The following HEPH variants were observed in gnomAD, a reference collection of about 807,000 sequenced individuals.
The protein encoded by HEPH is hephaestin.
HEPH carries 69 observed loss-of-function variants against 80.8 expected under a neutral mutation model. The ratio of observed to expected loss-of-function variants is 0.85; its 90% CI spans 0.70 to 1.04. The LOEUF is 1.04. HEPH is among the 50% of genes least tolerant of loss of function. The pLI is 0.00. For synonymous variants in HEPH, 431 were observed against 322.8 expected (o/e 1.34, Z -3.60); for missense variants, 1,115 against 891.3 (o/e 1.25, Z -3.20).
intron 4 of HEPH, among the ~76,000 whole-genome samples, chrX:66,186,359 C>T (rs772374386): frequency 7.3e-5 from 8 of 109,706 alleles, no homozygotes; most frequent in East Asian, 2.9e-4. Flanking sequence ...AGCGAGATTC[C>T]GTGGGCGTAG....
Position 66,257,486 on chromosome X carries a change from T to C in HEPH, c.2896+1156T>C, listed in dbSNP as rs143786087. On this transcript the variant is annotated intron_variant, in intron 17 of 20. Coordinates refer to ENST00000343002, the MANE Select transcript of HEPH (RefSeq NM_001367233.3). ...AGAAAGAGAGATGCTTAAGATCAAA[T>C]GTGAACCTTAATACTAAGAAGGCTA... Among the ~76,000 whole-genome samples the C allele has an allele frequency of 2.2e-3, 243 of 112,274 alleles. 2 individuals carry two copies. The highest frequency in any genetic ancestry group is 7.6e-3 in the African/African-American group (235 of 30,974).
At chrX:66,255,978 G>A (rs949985812) in intron 16 of HEPH, 127 bp from the exon 17 acceptor site, 5 of 461,258 alleles carry the variant, frequency 1.1e-5, no homozygotes, top group Non-Finnish European at 3.7e-6. Context: ...ACTTATAAAT[G>A]TAAGATATCA....
chrX:66,219,443 C>T (rs1205033647), intron 15 of HEPH, among the ~76,000 whole-genome samples: 2 of 111,918 alleles, frequency 1.8e-5, no homozygotes, highest in Admixed American at 9.4e-5. Flanking sequence ...AGCAAGTAGT[C>T]GAGAGCCAAT....
At chrX:66,173,549 C>A in intron 3 of HEPH, 40 bp from the exon 4 acceptor site, 1 of 1,027,885 alleles carries the variant, frequency 9.7e-7, no homozygotes, top group Non-Finnish European at 1.4e-6. Flanking sequence ...CACGGTCCCT[C>A]ACTTATTCTG....
intron 15 of HEPH, among the ~76,000 whole-genome samples, chrX:66,253,444 G>T (rs747202503): frequency 5.4e-5 from 6 of 112,118 alleles, no homozygotes; most frequent in Admixed American, 1.9e-4. Flanking sequence ...TAAAATAAAA[G>T]ATTTTTAAAA....
At chrX:66,268,472 A>G (rs1168273245), downstream of HEPH, 2 of 112,066 alleles carry the variant, frequency 1.8e-5, no homozygotes, top group Non-Finnish European at 3.8e-5. Flanking sequence ...GTTATCCAAG[A>G]GTTAGTGTTT....
chrX:66,212,362 AT>A (rs1015429701), intron 15 of HEPH, among the ~76,000 whole-genome samples: 5 of 110,045 alleles, frequency 4.5e-5, no homozygotes, highest in Non-Finnish European at 7.6e-5. Context: ...CCGTGTGCCT[AT>A]TTTTGGTTTT....
chrX:66,238,742 A>T (rs1030325232), intron 15 of HEPH, among the ~76,000 whole-genome samples: 2 of 111,640 alleles, frequency 1.8e-5, no homozygotes, highest in African/African-American at 6.5e-5. Flanking sequence ...GTGAAATGGG[A>T]AATCAGGGGT....
chrX:66,215,917 A>C (rs1204342168), intron 15 of HEPH, among the ~76,000 whole-genome samples: 1 of 109,057 alleles, frequency 9.2e-6, no homozygotes, highest in Non-Finnish European at 1.9e-5. Flanking sequence ...AATTGAGACC[A>C]GCCTTTCGGC....
intron 15 of HEPH, among the ~76,000 whole-genome samples, chrX:66,245,696 C>T (rs1455991022): frequency 2.7e-5 from 3 of 111,584 alleles, no homozygotes; most frequent in Non-Finnish European, 5.7e-5. Context: ...AGCACCACAC[C>T]ACACCTATTC....
intron 11 of HEPH, among the ~76,000 whole-genome samples, chrX:66,199,768 C>G: frequency 9.0e-6 from 1 of 111,691 alleles, no homozygotes; most frequent in Non-Finnish European, 1.9e-5. Flanking sequence ...TATAGCTGAA[C>G]GAAGATACGA....
chrX:66,220,305 A>G (rs770671059), intron 15 of HEPH, among the ~76,000 whole-genome samples: 3 of 111,674 alleles, frequency 2.7e-5, no homozygotes, highest in South Asian at 7.6e-4. Context: ...TCAGTTTATC[A>G]TAGAAGGTTT....
At chrX:66,242,073 GAAA>G (rs748372748) in intron 15 of HEPH, among the ~76,000 whole-genome samples, 12 of 92,624 alleles carry the variant, frequency 1.3e-4, no homozygotes, top group African/African-American at 4.2e-4. Context: ...ATCCTAAGCA[GAAA>G]AAAAAAAAAA....
upstream of HEPH, among the ~76,000 whole-genome samples, chrX:66,163,516 C>A (rs1427143840): frequency 9.0e-6 from 1 of 111,265 alleles, no homozygotes; most frequent in African/African-American, 3.3e-5. Context: ...ACTCTAGAAT[C>A]TGCTAGAAAT....
intron 4 of HEPH, among the ~76,000 whole-genome samples, chrX:66,177,013 C>T (rs2086838677): frequency 9.0e-6 from 1 of 111,257 alleles, no homozygotes. Flanking sequence ...AAGAAACTAC[C>T]ATCAGAGTGA....
intron 15 of HEPH, among the ~76,000 whole-genome samples, chrX:66,232,435 A>G (rs1421909819): frequency 2.7e-5 from 3 of 111,865 alleles, no homozygotes; most frequent in Non-Finnish European, 5.6e-5. Flanking sequence ...AATCCAACCT[A>G]GTTATGACAT....
At chrX:66,199,930 GGT>G (rs368884963) in intron 11 of HEPH, among the ~76,000 whole-genome samples, 7 of 108,453 alleles carry the variant, frequency 6.5e-5, no homozygotes, top group African/African-American at 6.7e-5. Context: ...ACAGGACAAT[GGT>G]GTGTGTGTGT....
chrX:66,225,661 T>A (rs1391974332), intron 15 of HEPH, among the ~76,000 whole-genome samples: 3 of 112,477 alleles, frequency 2.7e-5, no homozygotes, highest in Non-Finnish European at 3.8e-5. Flanking sequence ...TGCCATGCGC[T>A]GCTCTGGCAA....
chrX:66,255,619 G>A (rs1433568032), intron 16 of HEPH, among the ~76,000 whole-genome samples: 2 of 111,504 alleles, frequency 1.8e-5, no homozygotes, highest in Non-Finnish European at 3.8e-5. Flanking sequence ...CCACATTTTA[G>A]GCATTTTACT....
Sources: allele counts gnomAD v4.1 joint callset (sites outside exome capture counted in the v4.1 genomes callset), GRCh38; gene constraint gnomAD v4.1.1; transcripts MANE v1.5; gene names NCBI Gene and HGNC (gene_info 2026-07-23, HGNC 2026-07-21).